The following DHRS9 variants were observed in gnomAD, a reference collection of about 807,000 sequenced individuals.
The protein encoded by DHRS9 is dehydrogenase/reductase 9, also known as dehydrogenase/reductase SDR family member 9.
DHRS9 carries 18 observed loss-of-function variants against 26.6 expected under a neutral mutation model. The observed-to-expected ratio is 0.68, with a 90% CI of 0.47 to 1.00. DHRS9 has a LOEUF of 1.00. Ranked by LOEUF, DHRS9 falls within the 50% of genes least tolerant of loss-of-function variation. The pLI, the probability that DHRS9 is intolerant of heterozygous loss-of-function variation, is 0.00. For synonymous variants in DHRS9, 134 were observed against 141.1 expected (o/e 0.95, Z 0.36); for missense variants, 425 against 378.7 (o/e 1.12, Z -1.01).
At chr2:169,094,499 C>CTTTGACATT in intron 4 of DHRS9, among the ~76,000 whole-genome samples, 1 of 150,654 alleles carries the variant, frequency 6.6e-6, no homozygotes, top group East Asian at 1.9e-4. Flanking sequence ...GAAATCATTG[C>CTTTGACATT]CCAGACCAAT....
At position 169,095,654 on chromosome 2, in the gene DHRS9, G is replaced by T. The variant is rs568654446; in HGVS notation, c.847G>T (p.Ala283Ser). ...TSLFPKTHYA[A>S]GKDAKIFWIP... ...TCTCTTCCCTAAGACTCATTATGCC[G>T]CTGGAAAAGATGCCAAAATTTTCTG... The change falls in exon 5 of 5, where the codon GCT (alanine) becomes TCT (serine). Residue 283 changes from alanine to serine, a missense_variant. By Grantham distance (99) the Ala-to-Ser change is moderately conservative. Coordinates refer to ENST00000674881, the MANE Select transcript of DHRS9 (RefSeq NM_001376924.1). 1.2e-6 allele frequency: 2 copies of T among 1,613,804 alleles called. No individual in the cohort carries two copies. Among genetic ancestry groups the T allele is most frequent in the Admixed American group, 1.7e-5 (1 of 59,970 alleles).
At position 169,085,893 on chromosome 2, in the gene DHRS9, A is replaced by G. The variant is rs540242778; in HGVS notation, c.572+2306A>G. Among the ~76,000 whole-genome samples, 48 of 152,298 alleles carry G rather than the reference A, an allele frequency of 3.2e-4. 1 individual carries two copies. The Middle Eastern group carries it at 0.017, about 54-fold the overall frequency. On this transcript the variant is annotated intron_variant, in intron 3 of 4. Coordinates refer to ENST00000674881, the MANE Select transcript of DHRS9 (RefSeq NM_001376924.1). ...TGTTATTTGTTTTTGAGGAATCTCC[A>G]AACAAATATTGCTGCTTTTAAGATC...
chr2:169,069,041 T>C (rs1254863896), upstream of DHRS9, among the ~76,000 whole-genome samples: 1 of 152,190 alleles, frequency 6.6e-6, no homozygotes, highest in Non-Finnish European at 1.5e-5. Flanking sequence ...TAAGCTCTCC[T>C]TGTCATACCT....
chr2:169,095,877 C>T lies in DHRS9; in HGVS notation c.*110C>T, dbSNP rs949851897. On this transcript the variant is annotated 3_prime_UTR_variant, in exon 5 of 5. Transcript: ENST00000674881. ...TGCTCCAACCTGGACTCATTTAGAT[C>T]GTGCTTATTTGGATTGCAAAAGGGA... 12 of 1,013,066 alleles carry T rather than the reference C, an allele frequency of 1.2e-5. No individual in the cohort carries two copies. Among genetic ancestry groups the T allele is most frequent in the African/African-American group, 1.6e-5 (1 of 61,584 alleles). 62.8% of individuals were successfully genotyped at this position (1,013,066 alleles called of 1,614,324 possible).
Position 169,095,611 on chromosome 2 carries a change from G to A in DHRS9, c.804G>A (p.Met268Ile). ...ACCTCTCTCCGGTGGTAGAGTGCAT[G>A]GACCACGCTCTAACAAGTCTCTTCC... ...NMDLSPVVEC[M>I]DHALTSLFPK... The change falls in exon 5 of 5, where the codon ATG (methionine) becomes ATA (isoleucine). Residue 268 changes from methionine (M) to isoleucine (I), a missense_variant. Physicochemically the swap from Met to Ile is conservative, Grantham distance 10 (BLOSUM62 1). Transcript: ENST00000674881. The A allele has an allele frequency of 1.2e-6, 2 of 1,613,792 alleles. No individual in the cohort carries two copies. Among genetic ancestry groups the A allele is most frequent in the Non-Finnish European group, 1.7e-6 (2 of 1,179,868 alleles).
Position 169,088,184 on chromosome 2 carries a change from C to T in DHRS9, c.573-3606C>T, listed in dbSNP as rs984503270. 3.9e-5 allele frequency among the ~76,000 whole-genome samples: 6 copies of T among 152,208 alleles called. No individual in the cohort carries two copies. The South Asian group carries it at 6.2e-4, about 16-fold the overall frequency. ...TTCCAGCTACTGAAATGGGCAATTC[C>T]TCCTCCGGCTAGGGCTGGTTTGAAT... On this transcript the variant is annotated intron_variant, in intron 3 of 4. Coordinates refer to ENST00000674881, the MANE Select transcript of DHRS9 (RefSeq NM_001376924.1).
chr2:169,068,464 A>C (rs991275254), upstream of DHRS9, among the ~76,000 whole-genome samples: 5 of 152,196 alleles, frequency 3.3e-5, no homozygotes, highest in African/African-American at 9.6e-5. Context: ...TGCTGGGATT[A>C]CAGGTGCCCA....
chr2:169,071,076 CAA>C (rs1683790547), intron 1 of DHRS9, among the ~76,000 whole-genome samples: 1 of 118,232 alleles, frequency 8.5e-6, no homozygotes. Flanking sequence ...AAAAAAAAAA[CAA>C]CAACAACAAA....
chr2:169,093,527 A>C (rs1195340815), intron 4 of DHRS9, among the ~76,000 whole-genome samples: 1 of 152,212 alleles, frequency 6.6e-6, no homozygotes, highest in Non-Finnish European at 1.5e-5. Flanking sequence ...CTAAGATGGA[A>C]CTTAATACTT....
intron 1 of DHRS9, among the ~76,000 whole-genome samples, chr2:169,073,591 G>T (rs1227768772): frequency 6.6e-6 from 1 of 152,176 alleles, no homozygotes; most frequent in Non-Finnish European, 1.5e-5. Context: ...TTGAGGGAGG[G>T]AACAGATGGG....
At chr2:169,083,625 T>A (rs368124495) in intron 3 of DHRS9, 38 bp downstream of exon 3, 220 of 1,602,582 alleles carry the variant, frequency 1.4e-4, no homozygotes, top group Non-Finnish European at 1.7e-4. Flanking sequence ...AAACAATAGC[T>A]GCAAACGTTT....
chr2:169,082,870 G>T (rs867436732), intron 2 of DHRS9, among the ~76,000 whole-genome samples: 48 of 125,378 alleles, frequency 3.8e-4, no homozygotes, highest in Non-Finnish European at 6.7e-4. Flanking sequence ...ATCACACATC[G>T]GGGCCTGTTG....
At chr2:169,079,506 A>T (rs1047835032) in intron 1 of DHRS9, among the ~76,000 whole-genome samples, 6 of 152,154 alleles carry the variant, frequency 3.9e-5, no homozygotes, top group Non-Finnish European at 7.3e-5. Flanking sequence ...AGCAGAAAAA[A>T]ATAAATGATT....
At position 169,081,991 on chromosome 2, in the gene DHRS9, G is replaced by A. The variant is rs139397008; in HGVS notation, c.313+97G>A. The A allele has an allele frequency of 3.2e-4, 402 of 1,253,732 alleles. 3 individuals are homozygous for A. In the African/African-American group the frequency reaches 5.0e-3, roughly 15 times the overall value. The allele number at this position is 1,253,732 out of a possible 1,614,324, so 77.7% of individuals were successfully genotyped here. ...ATGCTCAAGTTTTAAATGGCCTTTC[G>A]AGAAAATGTTTCCTAAATACCGGCT... On this transcript the variant is annotated intron_variant, in intron 2 of 4. Transcript: ENST00000674881.
intron 1 of DHRS9, chr2:169,072,497 G>A: frequency 2.0e-6 from 1 of 510,580 alleles, no homozygotes; most frequent in Non-Finnish European, 2.5e-6. Flanking sequence ...TTTAAACTGT[G>A]TCATTTATTT....
At chr2:169,072,328 T>C (rs1362525613) in intron 1 of DHRS9, among the ~76,000 whole-genome samples, 1 of 152,234 alleles carries the variant, frequency 6.6e-6, no homozygotes, top group Non-Finnish European at 1.5e-5. Flanking sequence ...CCTGACAGTG[T>C]GGTTGACTAG....
chr2:169,070,688 C>A (rs910893542), intron 1 of DHRS9: 5 of 984,216 alleles, frequency 5.1e-6, no homozygotes. Context: ...AAATCATTAA[C>A]TCATATATTT....
At chr2:169,091,401 G>C (rs1333740005) in intron 3 of DHRS9, among the ~76,000 whole-genome samples, 3 of 152,194 alleles carry the variant, frequency 2.0e-5, no homozygotes, top group Non-Finnish European at 4.4e-5. Context: ...TATGTTGCTA[G>C]AATGGAGGTG....
At position 169,094,923 on chromosome 2, in the gene DHRS9, C is replaced by T. The variant is rs1379086296; in HGVS notation, c.737-621C>T. Among the ~76,000 whole-genome samples, 3 of 152,206 alleles carry T rather than the reference C, an allele frequency of 2.0e-5. 1 individual carries two copies. The South Asian group carries it at 6.2e-4, about 32-fold the overall frequency. Reference sequence around the variant, plus strand: ...TCTCATTTGCATGAGAACTGGGATCCTTTTAGCTTCCTGAGTCAGTACATT... The same window carrying T: ...TCTCATTTGCATGAGAACTGGGATCTTTTTAGCTTCCTGAGTCAGTACATT... On this transcript the variant is annotated intron_variant, in intron 4 of 4. Transcript: ENST00000674881.
Sources: allele counts gnomAD v4.1 joint callset (sites outside exome capture counted in the v4.1 genomes callset), GRCh38; gene constraint gnomAD v4.1.1; transcripts MANE v1.5; gene names NCBI Gene and HGNC (gene_info 2026-07-23, HGNC 2026-07-21).